The following IGSF23 variants were observed in gnomAD, a reference collection of about 807,000 sequenced individuals.
The protein encoded by IGSF23 is immunoglobulin superfamily member 23.
In IGSF23, 14 loss-of-function variants were observed where a neutral mutation model predicts 17.8. The ratio of observed to expected loss-of-function variants is 0.79; its 90% CI spans 0.52 to 1.23. The LOEUF is 1.23. IGSF23 is among the 50% of genes most tolerant of loss of function. The probability of loss-of-function intolerance (pLI) is 0.00; values close to 1 mark genes in which losing one functional copy is unlikely to be tolerated. For missense variants in IGSF23, 214 were observed against 241.7 expected, an observed-to-expected ratio of 0.89 and a Z score of 0.76; for synonymous variants, 85 against 92.5, an observed-to-expected ratio of 0.92 and a Z score of 0.46.
At chr19:44,635,559 T>C in intron 4 of IGSF23, 94 bp downstream of exon 4, 1 of 832,966 alleles carries the variant, frequency 1.2e-6, no homozygotes, top group African/African-American at 1.7e-5. Context: ...TCCCTCCTGG[T>C]TCCCTGGTCA....
chr19:44,629,399 G>GTT (rs36028982), intron 3 of IGSF23, among the ~76,000 whole-genome samples: 1 of 146,162 alleles, frequency 6.8e-6, no homozygotes. Flanking sequence ...CAAAACTAAA[G>GTT]TTTTTTTTTT....
intron 1 of IGSF23, among the ~76,000 whole-genome samples, chr19:44,619,159 G>C (rs918020827): frequency 1.3e-5 from 2 of 152,114 alleles, no homozygotes; most frequent in African/African-American, 4.8e-5. Context: ...GAGAGTCAGA[G>C]AGGAAGTGCC....
At chr19:44,625,460 ACTCAGTTCAGT>A (rs1486372567) in intron 2 of IGSF23, among the ~76,000 whole-genome samples, 4 of 151,948 alleles carry the variant, frequency 2.6e-5, no homozygotes, top group Non-Finnish European at 4.4e-5. Flanking sequence ...CCTGGTCAAA[ACTCAGTTCAGT>A]CCCTGTTCCC....
At chr19:44,618,289 G>A (rs145284191) in intron 1 of IGSF23, 31 of 416,610 alleles carry the variant, frequency 7.4e-5, no homozygotes, top group African/African-American at 5.8e-4. Context: ...CACACTGGCC[G>A]GGAGATGCTG....
intron 1 of IGSF23, among the ~76,000 whole-genome samples, chr19:44,614,986 A>G (rs1047989954): frequency 6.6e-6 from 1 of 152,108 alleles, no homozygotes; most frequent in Non-Finnish European, 1.5e-5. Flanking sequence ...TTCCTTATCC[A>G]GGTCTTAAAA....
chr19:44,618,566 G>C (rs1029057184), intron 1 of IGSF23, among the ~76,000 whole-genome samples: 1 of 152,166 alleles, frequency 6.6e-6, no homozygotes, highest in African/African-American at 2.4e-5. Flanking sequence ...CACTTATCTA[G>C]CTGGACAGTT....
At chr19:44,630,654 G>A (rs1568490434) in intron 3 of IGSF23, among the ~76,000 whole-genome samples, 1 of 152,220 alleles carries the variant, frequency 6.6e-6, no homozygotes, top group African/African-American at 2.4e-5. Context: ...GCCAATGGGG[G>A]CATCAGCTGG....
At chr19:44,616,571 C>A (rs1318406328) in intron 1 of IGSF23, among the ~76,000 whole-genome samples, 5 of 151,786 alleles carry the variant, frequency 3.3e-5, no homozygotes, top group East Asian at 1.9e-4. Context: ...GTGGCGCACG[C>A]CTGTAGTCCC....
intron 3 of IGSF23, among the ~76,000 whole-genome samples, chr19:44,634,313 C>T (rs916995517): frequency 6.6e-5 from 10 of 151,912 alleles, no homozygotes; most frequent in African/African-American, 2.4e-4. Flanking sequence ...ACATGTTGGA[C>T]ATATTTCAGA....
chr19:44,635,991 G>A (rs986801982), intron 4 of IGSF23, among the ~76,000 whole-genome samples: 5 of 152,164 alleles, frequency 3.3e-5, no homozygotes, highest in African/African-American at 1.2e-4. Flanking sequence ...TTGCCCAGGG[G>A]CTGTCTGGAC....
At chr19:44,624,003 C>CA in intron 2 of IGSF23, 31 bp downstream of exon 2, 1 of 1,521,632 alleles carries the variant, frequency 6.6e-7, no homozygotes, top group Non-Finnish European at 8.8e-7. Context: ...CACCCCACCC[C>CA]ACCCAAGAGC....
At chr19:44,634,381 T>C (rs899782829) in intron 3 of IGSF23, among the ~76,000 whole-genome samples, 1 of 152,252 alleles carries the variant, frequency 6.6e-6, no homozygotes, top group African/African-American at 2.4e-5. Flanking sequence ...ATTTCTACAT[T>C]CTTTTTTAGT....
At chr19:44,634,131 C>A (rs1003716164) in intron 3 of IGSF23, among the ~76,000 whole-genome samples, 1 of 152,016 alleles carries the variant, frequency 6.6e-6, no homozygotes, top group African/African-American at 2.4e-5. Context: ...TGCGGCACTA[C>A]CGGCTGTGGC....
rs1023093128 is a variant in IGSF23 at position 44,614,072 on chromosome 19, C to CA, written c.125+303dup. 5.9e-6 allele frequency: 7 copies of CA among 1,186,778 alleles called. No homozygotes were observed. The African/African-American group carries it at 1.1e-4, about 18-fold the overall frequency. 73.5% of individuals were successfully genotyped at this position (1,186,778 alleles called of 1,614,324 possible). Reference sequence around the variant, plus strand: ...CTTACGAGTCCAAGTCACCCCCACTCAGAGCTTTGACCCTGTCAGTTTGAG... The same window carrying CA: ...CTTACGAGTCCAAGTCACCCCCACTCAAGAGCTTTGACCCTGTCAGTTTGAG... On this transcript the variant is annotated intron_variant, in intron 1 of 4. Transcript: ENST00000402988.
At chr19:44,627,656 G>T in intron 3 of IGSF23, 83 bp downstream of exon 3, 1 of 1,427,330 alleles carries the variant, frequency 7.0e-7, no homozygotes, top group Non-Finnish European at 9.4e-7. Context: ...CAAGGAAACA[G>T]AGATGAAACC....
intron 2 of IGSF23, among the ~76,000 whole-genome samples, chr19:44,624,329 G>A (rs2123720882): frequency 6.9e-6 from 1 of 145,388 alleles, no homozygotes; most frequent in Admixed American, 7.0e-5. Flanking sequence ...CGGTCACCCA[G>A]GCTGGAGTAC....
chr19:44,613,664 A>G lies in IGSF23; in HGVS notation c.19A>G (p.Ser7Gly). MRAKPQSPLPRNPVPAW... is the reference protein window; with the variant it reads MRAKPQGPLPRNPVPAW... Reference sequence around the variant, plus strand: ...TGAGAGAATGAGAGCAAAACCTCAGAGCCCCCTTCCCAGGAACCCTGTCCC... The same window carrying G: ...TGAGAGAATGAGAGCAAAACCTCAGGGCCCCCTTCCCAGGAACCCTGTCCC... Residue 7 changes from serine to glycine, a missense_variant, in exon 1 of 5, where the codon AGC becomes GGC. Transcript: ENST00000402988. The G allele has an allele frequency of 6.5e-7, 1 of 1,549,214 alleles. No homozygotes were observed. Among genetic ancestry groups the G allele is most frequent in the South Asian group, 1.2e-5 (1 of 83,926 alleles).
At chr19:44,616,508 C>G (rs374252824) in intron 1 of IGSF23, among the ~76,000 whole-genome samples, 2 of 151,684 alleles carry the variant, frequency 1.3e-5, no homozygotes, top group African/African-American at 4.8e-5. Flanking sequence ...CCATCCTGGC[C>G]GACATGGTGA....
intron 2 of IGSF23, among the ~76,000 whole-genome samples, chr19:44,626,124 AG>A (rs1161146239): frequency 6.6e-6 from 1 of 151,940 alleles, no homozygotes; most frequent in Non-Finnish European, 1.5e-5. Flanking sequence ...GAGAGAAGAG[AG>A]GGAGGGTATT....
Sources: gnomAD v4.1 joint callset for allele counts (sites outside exome capture counted in the v4.1 genomes callset) on GRCh38, gnomAD v4.1.1 for gene constraint, MANE v1.5 for transcripts, NCBI Gene and HGNC (gene_info 2026-07-23, HGNC 2026-07-21) for gene names.